Variants in CADM2 observed in about 807,000 individuals in gnomAD.
The protein encoded by CADM2 is cell adhesion molecule 2.
CADM2 carries 12 observed loss-of-function variants against 49.8 expected under a neutral mutation model. That is an observed-to-expected ratio of 0.24 (90% CI 0.15 to 0.39). The LOEUF is 0.39. CADM2 is among the 10% of genes least tolerant of loss of function. The pLI, the probability that CADM2 is intolerant of heterozygous loss-of-function variation, is 1.00. For missense variants in CADM2, 378 were observed against 492.3 expected (o/e 0.77, Z 2.20); for synonymous variants, 214 against 175.4 (o/e 1.22, Z -1.74).
At chr3:85,026,375 A>G (rs1193278282) in intron 1 of CADM2, among the ~76,000 whole-genome samples, 1 of 152,188 alleles carries the variant, frequency 6.6e-6, no homozygotes, top group African/African-American at 2.4e-5. Flanking sequence ...AAAAATTAAA[A>G]TATTTTGCAA....
chr3:85,149,082 C>T (rs554986172), intron 1 of CADM2, among the ~76,000 whole-genome samples: 7 of 150,830 alleles, frequency 4.6e-5, no homozygotes, highest in African/African-American at 1.5e-4. Context: ...AGTCAAACAT[C>T]ATTTTTATGG....
chr3:85,470,097 T>G (rs1340036139), intron 1 of CADM2, among the ~76,000 whole-genome samples: 1 of 152,202 alleles, frequency 6.6e-6, no homozygotes, highest in Non-Finnish European at 1.5e-5. Flanking sequence ...TGATTTACCT[T>G]CAGGTGTCCA....
chr3:85,646,273 A>G (rs1038354437), intron 1 of CADM2, among the ~76,000 whole-genome samples: 3 of 151,990 alleles, frequency 2.0e-5, no homozygotes, highest in African/African-American at 7.2e-5. Context: ...CAATCTAGTT[A>G]AATATCAGAT....
chr3:85,718,882 TTTA>T (rs71112111), intron 1 of CADM2, among the ~76,000 whole-genome samples: 20,672 of 141,126 alleles, frequency 0.15, 1,506 homozygotes, highest in African/African-American at 0.15. Context: ...TTAATGGTAT[TTTA>T]TTATTATTAT....
intron 1 of CADM2, among the ~76,000 whole-genome samples, chr3:85,118,560 C>T (rs765778289): frequency 5.3e-5 from 8 of 152,032 alleles, no homozygotes; most frequent in African/African-American, 1.2e-4. Flanking sequence ...TTCACTATCA[C>T]GAGAGCAACA....
At chr3:85,816,603 C>A (rs1226343115) in intron 3 of CADM2, among the ~76,000 whole-genome samples, 1 of 151,942 alleles carries the variant, frequency 6.6e-6, no homozygotes, top group Non-Finnish European at 1.5e-5. Flanking sequence ...AATGAGAAAC[C>A]TCTATTTTTC....
chr3:85,929,851 A>G (rs553530910), intron 6 of CADM2, among the ~76,000 whole-genome samples: 2 of 152,164 alleles, frequency 1.3e-5, no homozygotes, highest in South Asian at 4.1e-4. Context: ...TTTTTAGGAT[A>G]ACATTGCTTA....
Position 85,455,568 on chromosome 3 carries a change from T to C in CADM2, c.62-270954T>C, listed in dbSNP as rs549785945. On this transcript the variant is annotated intron_variant, in intron 1 of 9. Transcript: ENST00000383699. The stretch of plus-strand genomic sequence containing the variant: ...ATGGGAAAAATATGCGAAGAAAGAC[T>C]TCCAACAGAAACTAATTTAACACAA... Among the ~76,000 whole-genome samples the C allele has an allele frequency of 5.9e-5, 9 of 152,284 alleles. No homozygotes were observed. In the South Asian group the frequency reaches 1.0e-3, roughly 18 times the overall value.
chr3:85,210,917 C>CT (rs1426967483), intron 1 of CADM2, among the ~76,000 whole-genome samples: 1 of 152,148 alleles, frequency 6.6e-6, no homozygotes, highest in South Asian at 2.1e-4. Flanking sequence ...AGGGTCTGGG[C>CT]TTTTTTGCTG....
intron 1 of CADM2, among the ~76,000 whole-genome samples, chr3:85,172,143 G>A (rs1398105208): frequency 6.6e-6 from 1 of 152,126 alleles, no homozygotes; most frequent in Non-Finnish European, 1.5e-5. Flanking sequence ...AAAAAAATTA[G>A]GTTACCTGGG....
intron 1 of CADM2, among the ~76,000 whole-genome samples, chr3:85,531,174 C>T (rs2061301350): frequency 6.6e-6 from 1 of 152,090 alleles, no homozygotes; most frequent in South Asian, 2.1e-4. Context: ...CAGTTTTTGT[C>T]AGAATCATTA....
chr3:85,359,666 A>ATATATTTT lies in CADM2; in HGVS notation c.62-366855_62-366854insATATTTTT. Among the ~76,000 whole-genome samples, 73 of 26,544 alleles carry ATATATTTT rather than the reference A, an allele frequency of 2.8e-3. 3 individuals are homozygous for ATATATTTT. Among genetic ancestry groups the ATATATTTT allele is most frequent in the Admixed American group, 5.2e-3 (9 of 1,736 alleles). 17.4% of individuals were successfully genotyped at this position (26,544 alleles called of 152,430 possible). On this transcript the variant is annotated intron_variant, in intron 1 of 9. Coordinates refer to ENST00000383699, the MANE Select transcript of CADM2 (RefSeq NM_001167675.2). ...TATATATATATATATATATATATAT[A>ATATATTTT]TTTTTTTTTTTGGTGGAGGGGAGAA...
rs375850835 is a variant in CADM2 at position 84,964,831 on chromosome 3, A to T, written c.61+5163A>T. On this transcript the variant is annotated intron_variant, in intron 1 of 9. Coordinates refer to ENST00000383699, the MANE Select transcript of CADM2 (RefSeq NM_001167675.2). Reference sequence around the variant, plus strand: ...AATATATATGTCCTAATTACTTGTGATGGGATTAAATGATCTCTTCTTTTC... The same window carrying T: ...AATATATATGTCCTAATTACTTGTGTTGGGATTAAATGATCTCTTCTTTTC... Among the ~76,000 whole-genome samples, 17 of 152,304 alleles carry T rather than the reference A, an allele frequency of 1.1e-4. No individual in the cohort carries two copies. The East Asian group carries it at 1.5e-3, about 14-fold the overall frequency.
intron 1 of CADM2, among the ~76,000 whole-genome samples, chr3:85,557,507 A>G (rs574867362): frequency 6.6e-6 from 1 of 151,772 alleles, no homozygotes; most frequent in South Asian, 2.1e-4. Flanking sequence ...CAAAGATAAT[A>G]TGTATTTTAC....
intron 1 of CADM2, among the ~76,000 whole-genome samples, chr3:85,086,360 C>T (rs2107512466): frequency 6.6e-6 from 1 of 151,906 alleles, no homozygotes; most frequent in Middle Eastern, 3.4e-3. Context: ...GGATTCCATG[C>T]CTCTCCCTGT....
At chr3:85,691,340 T>C (rs576035392) in intron 1 of CADM2, among the ~76,000 whole-genome samples, 1 of 152,358 alleles carries the variant, frequency 6.6e-6, no homozygotes, top group Non-Finnish European at 1.5e-5. Flanking sequence ...CATACATTTG[T>C]TAATGAACAC....
At chr3:85,526,077 T>C (rs1012209253) in intron 1 of CADM2, among the ~76,000 whole-genome samples, 6 of 152,150 alleles carry the variant, frequency 3.9e-5, no homozygotes, top group Non-Finnish European at 7.4e-5. Flanking sequence ...AGCCACCTCG[T>C]GAGTCAGCCA....
intron 8 of CADM2, among the ~76,000 whole-genome samples, chr3:86,023,274 T>G (rs1265560807): frequency 6.6e-6 from 1 of 152,244 alleles, no homozygotes; most frequent in African/African-American, 2.4e-5. Context: ...TTACATTACT[T>G]ATCCTCTGGT....
In CADM2 at chr3:85,908,257, T is replaced by C. The variant is rs9874648; in HGVS notation, c.530-4116T>C. Among the ~76,000 whole-genome samples, 31 of 115,316 alleles carry C rather than the reference T, an allele frequency of 2.7e-4. 1 individual carries two copies. Among genetic ancestry groups the C allele is most frequent in the Middle Eastern group, 4.5e-3 (1 of 222 alleles). 75.7% of individuals were successfully genotyped at this position (115,316 alleles called of 152,430 possible). ...TATCTTGGCTTTTTTTTTTCTTCTT[T>C]TTTTTTTTTTTTTTTTTCCAGTTAA... On this transcript the variant is annotated intron_variant, in intron 5 of 9. Transcript: ENST00000383699.
Sources: gnomAD v4.1 joint callset for allele counts (sites outside exome capture counted in the v4.1 genomes callset) on GRCh38, gnomAD v4.1.1 for gene constraint, MANE v1.5 for transcripts, NCBI Gene and HGNC (gene_info 2026-07-23, HGNC 2026-07-21) for gene names.